The following CHFR variants were observed in gnomAD, a reference collection of about 807,000 sequenced individuals.
The protein encoded by CHFR is checkpoint with forkhead and ring finger domains, also known as E3 ubiquitin-protein ligase CHFR.
CHFR carries 57 observed loss-of-function variants against 87.6 expected under a neutral mutation model. The observed-to-expected ratio is 0.65, with a 90% CI of 0.53 to 0.81. The LOEUF is 0.81. CHFR is among the 30% of genes least tolerant of loss of function. The pLI is 0.00. For missense variants in CHFR, 797 were observed against 865.8 expected, an observed-to-expected ratio of 0.92 and a Z score of 1.00; for synonymous variants, 381 against 359.2, an observed-to-expected ratio of 1.06 and a Z score of -0.69.
intron 12 of CHFR, among the ~76,000 whole-genome samples, chr12:132,850,640 C>A (rs1001750730): frequency 6.6e-6 from 1 of 152,148 alleles, no homozygotes; most frequent in Non-Finnish European, 1.5e-5. Flanking sequence ...AGGGTACAGA[C>A]CCCAGCAGTA....
intron 13 of CHFR, 170 bp from the exon 14 acceptor site, chr12:132,848,325 A>G: frequency 1.6e-6 from 2 of 1,249,886 alleles, no homozygotes; most frequent in Non-Finnish European, 2.3e-6. Context: ...AATGATTTCC[A>G]TTCCACTCCC....
intron 6 of CHFR, among the ~76,000 whole-genome samples, chr12:132,869,346 G>A (rs986031786): frequency 6.6e-6 from 1 of 152,118 alleles, no homozygotes; most frequent in Non-Finnish European, 1.5e-5. Context: ...AAAATCCACT[G>A]AAATGTACAC....
Position 132,861,631 on chromosome 12 carries a change from G to C in CHFR, c.587C>G (p.Ser196Cys), listed in dbSNP as rs1038150337. The C allele has an allele frequency of 2.5e-6, 4 of 1,613,952 alleles. No homozygotes were observed. In the African/African-American group the frequency reaches 5.3e-5, roughly 22 times the overall value. ...TTTAGGGGAGATGCCACCACCCCCA[G>C]ACCCTGTGAGAGGAATCAAACAAGA... ...AGRERSSSCG[S>C]GGGGISPKGS... is the part of the protein sequence containing the mutation. Residue 196 changes from serine (S) to cysteine (C), a missense_variant, in exon 7 of 18, where the codon TCT becomes TGT. Ser to Cys is a moderately radical substitution (Grantham distance 112). This residue lies in a region of CHFR where 597 missense variants were observed against 601.2 expected (regional missense o/e 0.99). Transcript: ENST00000450056.
Position 132,841,510 on chromosome 12 carries a change from C to A in CHFR, c.*44G>T. The A allele has an allele frequency of 6.5e-7, 1 of 1,542,472 alleles. No homozygotes were observed. The highest frequency in any genetic ancestry group is 1.1e-5 in the South Asian group (1 of 89,604). On this transcript the variant is annotated 3_prime_UTR_variant, in exon 18 of 18. Transcript: ENST00000450056. ...TGTCTCTGTATTTTAAAAACACGCT[C>A]TCTTCACCTCCAGTGCTGAAAGCTG...
chr12:132,873,024 GA>G (rs1339539185), intron 3 of CHFR, among the ~76,000 whole-genome samples: 5 of 152,182 alleles, frequency 3.3e-5, no homozygotes, highest in Admixed American at 3.3e-4. Context: ...GGGGACTTCT[GA>G]GCAGAGACCT....
At chr12:132,855,242 GA>G (rs35090182) in intron 10 of CHFR, among the ~76,000 whole-genome samples, 74,248 of 126,012 alleles carry the variant, frequency 0.59, 21,334 homozygotes, top group Non-Finnish European at 0.69. Flanking sequence ...ACTTTGTCTC[GA>G]AAAAAAAAAA....
chr12:132,872,666 C>T (rs1229192859), intron 3 of CHFR, among the ~76,000 whole-genome samples: 1 of 152,178 alleles, frequency 6.6e-6, no homozygotes, highest in African/African-American at 2.4e-5. Context: ...GGTTCTCTCC[C>T]CGTTTGCCTC....
intron 10 of CHFR, 103 bp from the exon 11 acceptor site, chr12:132,853,676 C>T (rs1950999121): frequency 1.5e-6 from 2 of 1,352,390 alleles, no homozygotes; most frequent in African/African-American, 1.5e-5. Context: ...TCCACCGTCG[C>T]TCAGCTGCTT....
At chr12:132,872,171 T>C (rs964858596) in intron 4 of CHFR, 114 bp downstream of exon 4, 4 of 694,652 alleles carry the variant, frequency 5.8e-6, no homozygotes, top group South Asian at 1.7e-5. Context: ...AAATGGGGTG[T>C]AGCCAGGAGG....
At chr12:132,842,106 C>G (rs1180816776) in intron 17 of CHFR, among the ~76,000 whole-genome samples, 9 of 34,802 alleles carry the variant, frequency 2.6e-4, no homozygotes, top group African/African-American at 6.8e-4. Flanking sequence ...GAGACTCCAT[C>G]TCAAAAAAAA....
intron 8 of CHFR, among the ~76,000 whole-genome samples, chr12:132,858,725 TAAAAAAAAAAAAAAAAAAA>T (rs60137048): frequency 7.5e-5 from 2 of 26,788 alleles, no homozygotes; most frequent in African/African-American, 1.9e-4. Context: ...AGACTCCATC[TAAAAAAAAAAAAAAAAAAA>T]AAAAAAAAAA....
Position 132,837,130 on chromosome 12 carries a change from C to T in CHFR, c.*4424G>A. The T allele has an allele frequency of 3.5e-6, 1 of 287,600 alleles. No individual in the cohort carries two copies. Among genetic ancestry groups the T allele is most frequent in the South Asian group, 3.2e-5 (1 of 31,636 alleles). 17.8% of individuals were successfully genotyped at this position (287,600 alleles called of 1,614,324 possible). ...GAGAAGCAGAGGAACACCTGAGGGG[C>T]TCCAGGAGAAGCAGGTAGGGAGAAG... On this transcript the variant is annotated 3_prime_UTR_variant, in exon 18 of 18. Transcript: ENST00000450056.
At chr12:132,885,502 G>T (rs924358936) in intron 2 of CHFR, among the ~76,000 whole-genome samples, 16 of 152,142 alleles carry the variant, frequency 1.1e-4, no homozygotes, top group African/African-American at 3.9e-4. Context: ...TGCTATGGTA[G>T]TATGAACAAA....
At chr12:132,869,550 A>G in intron 6 of CHFR, 69 bp downstream of exon 6, 2 of 1,425,736 alleles carry the variant, frequency 1.4e-6, no homozygotes, top group Non-Finnish European at 9.6e-7. Flanking sequence ...CCTCTGTAAC[A>G]ACACAGGTAA....
In CHFR at chr12:132,872,404, A is replaced by T. The variant is rs758867711; in HGVS notation, c.234-10T>A. 3 of 1,587,890 alleles carry T rather than the reference A, an allele frequency of 1.9e-6. No individual in the cohort carries two copies. The highest frequency in any genetic ancestry group is 2.7e-5 in the African/African-American group (2 of 74,404). ...CACTGTTCCACTGGTGCTGTAAAAA[A>T]ACAAAAACACAATTTATTCTACTTA... On this transcript the variant is annotated splice_polypyrimidine_tract_variant and intron_variant, in intron 3 of 17. Transcript: ENST00000450056.
Position 132,869,772 on chromosome 12 carries a change from C to G in CHFR, c.430G>C (p.Gly144Arg). The change falls in exon 6 of 18, where the codon GGG (glycine) becomes CGG (arginine). Residue 144 changes from glycine (G) to arginine (R), a missense_variant. This residue lies in a region of CHFR where 597 missense variants were observed against 601.2 expected (regional missense o/e 0.99). Transcript: ENST00000450056. ...FDTSGAGAGR[G>R]ADPRVPPSSP... ...GACGGAGGGACCCGGGGATCGGCCCCTCGCCCTGCACCTGCACCTGAGGTA... is the reference window on the plus strand; with the variant it reads ...GACGGAGGGACCCGGGGATCGGCCCGTCGCCCTGCACCTGCACCTGAGGTA... 1 of 1,551,516 alleles carries G rather than the reference C, an allele frequency of 6.4e-7. No homozygotes were observed. Among genetic ancestry groups the G allele is most frequent in the Non-Finnish European group, 8.7e-7 (1 of 1,146,998 alleles).
intron 13 of CHFR, 28 bp downstream of exon 13, chr12:132,848,613 C>A (rs1373766666): frequency 1.3e-6 from 2 of 1,548,130 alleles, no homozygotes; most frequent in Middle Eastern, 1.7e-4. Context: ...AAGGTCAAAG[C>A]AACTGGGGCC....
At position 132,844,098 on chromosome 12, in the gene CHFR, C is replaced by A. The variant is rs754931883; in HGVS notation, c.1772G>T (p.Cys591Phe). 5 of 1,613,644 alleles carry A rather than the reference C, an allele frequency of 3.1e-6. No homozygotes were observed. The highest frequency in any genetic ancestry group is 4.2e-6 in the Non-Finnish European group (5 of 1,179,712). The change falls in exon 16 of 18, where the codon TGC becomes TTC. Residue 591 changes from cysteine (C) to phenylalanine (F), a missense_variant. Cys to Phe is a radical substitution (Grantham distance 205). Around this residue, in one of 2 missense-constraint regions of CHFR, gnomAD observed 200 missense variants for 264.6 expected, o/e 0.76. Transcript: ENST00000450056. ...RVTGDTVLCYCCGLRSFRELT... is the reference protein window; with the variant it reads ...RVTGDTVLCYFCGLRSFRELT... ...CTCACGGAAGCTGCGCAGGCCACAG[C>A]AGTAACACAGAACGGTGTCTCCCGT...
intron 8 of CHFR, 79 bp from the exon 9 acceptor site, chr12:132,857,638 C>A: frequency 1.4e-6 from 2 of 1,444,332 alleles, no homozygotes; most frequent in East Asian, 2.4e-5. Flanking sequence ...GCAGCAGCCC[C>A]ACCACGGAAG....
Sources: gnomAD v4.1 joint callset for allele counts (sites outside exome capture counted in the v4.1 genomes callset) on GRCh38, gnomAD v4.1.1 for gene constraint, gnomAD v4.1.1 regional missense constraint, MANE v1.5 for transcripts, NCBI Gene and HGNC (gene_info 2026-07-23, HGNC 2026-07-21) for gene names.